EPS8L2: variants seen among roughly 807,000 people sequenced by gnomAD.
EPS8L2 encodes the protein EPS8 signaling adaptor L2.
EPS8L2 carries 81 observed loss-of-function variants against 99.4 expected under a neutral mutation model. The ratio of observed to expected loss-of-function variants is 0.82; its 90% CI spans 0.68 to 0.98. The LOEUF (loss-of-function observed/expected upper bound fraction) is 0.98. Ranked by LOEUF, EPS8L2 falls within the 50% of genes least tolerant of loss-of-function variation. The pLI is 0.00. For synonymous variants in EPS8L2, 509 were observed against 407.3 expected (o/e 1.25, Z -3.01); for missense variants, 1,155 against 968.8 (o/e 1.19, Z -2.55).
At chr11:715,199 G>A (rs975182729) in intron 4 of EPS8L2, among the ~76,000 whole-genome samples, 32 of 151,492 alleles carry the variant, frequency 2.1e-4, no homozygotes, top group African/African-American at 6.8e-4. Context: ...CTGAGATTGC[G>A]CCACTGCACT....
At chr11:710,102 G>T in intron 3 of EPS8L2, 1 of 389,048 alleles carries the variant, frequency 2.6e-6, no homozygotes, top group South Asian at 2.8e-5. Context: ...GTGGGAAGAA[G>T]CCGGGCTGGG....
Position 721,929 on chromosome 11 carries a change from C to A in EPS8L2, c.922C>A (p.Pro308Thr). The change falls in exon 11 of 21, where the codon CCC becomes ACC. Residue 308 changes from proline to threonine, a missense_variant. Physicochemically the swap from Pro to Thr is conservative, Grantham distance 38. Transcript: ENST00000318562. Reference sequence around the variant, plus strand: ...GGGCGTCCTCACACTGCGGGCACGGCCCCCCTCTGAGGGCGAGTTCATCGA... The same window carrying A: ...GGGCGTCCTCACACTGCGGGCACGGACCCCCTCTGAGGGCGAGTTCATCGA... Reference protein sequence around the residue: ...AEGVLTLRARPPSEGEFIDCF... With the variant: ...AEGVLTLRARTPSEGEFIDCF... 1.3e-6 allele frequency: 2 copies of A among 1,595,972 alleles called. No homozygotes were observed. Among genetic ancestry groups the A allele is most frequent in the Non-Finnish European group, 1.7e-6 (2 of 1,171,836 alleles).
At position 709,352 on chromosome 11, in the gene EPS8L2, A is replaced by C; in HGVS notation, c.-56A>C. The stretch of plus-strand genomic sequence containing the variant: ...CAGGTGTGGGACAGGCACTGGCCTC[A>C]GACCGGGGCCACACTGAGGTCTGCC... On this transcript the variant is annotated 5_prime_UTR_variant, in exon 2 of 21. Transcript: ENST00000318562. 6.5e-7 allele frequency: 1 copy of C among 1,542,242 alleles called. No homozygotes were observed. The highest frequency in any genetic ancestry group is 8.8e-7 in the Non-Finnish European group (1 of 1,140,314).
chr11:726,256 G>GGGGGCA (rs759662257), intron 18 of EPS8L2, 48 bp from the exon 19 acceptor site: 7 of 1,577,412 alleles, frequency 4.4e-6, no homozygotes, highest in South Asian at 2.3e-5. Context: ...GGCCGGGGGC[G>GGGGGCA]GGGGCAGGGG....
Position 710,603 on chromosome 11 carries a change from C to T in EPS8L2, c.165+117C>T, listed in dbSNP as rs1159090497. 10 of 1,001,358 alleles carry T rather than the reference C, an allele frequency of 1.0e-5. No individual in the cohort carries two copies. The South Asian group carries it at 1.1e-4, about 11-fold the overall frequency. The allele number at this position is 1,001,358 out of a possible 1,614,324, so 62.0% of individuals were successfully genotyped here. ...AATTAGACGGGCATGGTGGTGCCGG[C>T]CTGTAGGCCCTGCTACTGGGGAGGC... On this transcript the variant is annotated intron_variant, in intron 4 of 20. Transcript: ENST00000318562.
chr11:710,581 T>G, intron 4 of EPS8L2, 95 bp downstream of exon 4: 4 of 1,189,124 alleles, frequency 3.4e-6, no homozygotes, highest in Non-Finnish European at 5.0e-6. Flanking sequence ...ATAAAATAAT[T>G]AGACGGGCAT....
chr11:722,573 G>T (rs369447643), intron 13 of EPS8L2, 24 bp downstream of exon 13: 59 of 1,611,784 alleles, frequency 3.7e-5, no homozygotes, highest in Non-Finnish European at 4.9e-5. Context: ...GAGCAGTGCC[G>T]GGGCTTCATG....
chr11:726,008 T>G, intron 17 of EPS8L2, 90 bp from the exon 18 acceptor site: 1 of 1,305,654 alleles, frequency 7.7e-7, no homozygotes, highest in Non-Finnish European at 1.1e-6. Context: ...GCCGGGGCTG[T>G]AGGGGGATTG....
In EPS8L2 at chr11:709,981, G is replaced by A. The variant is rs1407745408; in HGVS notation, c.100+373G>A. 1.7e-5 allele frequency: 7 copies of A among 410,248 alleles called. No individual in the cohort carries two copies. The East Asian group carries it at 3.4e-4, about 20-fold the overall frequency. The allele number at this position is 410,248 out of a possible 1,614,324, so 25.4% of individuals were successfully genotyped here. ...TCTGCCCTTCCCCAGAGACGACCCT[G>A]CCCTCTCGCTAGCTAGATGCACCCT... On this transcript the variant is annotated intron_variant, in intron 3 of 20. Coordinates refer to ENST00000318562, the MANE Select transcript of EPS8L2 (RefSeq NM_022772.4).
chr11:720,371 G>A (rs1862123324), intron 5 of EPS8L2, 148 bp downstream of exon 5: 3 of 1,111,882 alleles, frequency 2.7e-6, no homozygotes, highest in East Asian at 2.6e-5. Context: ...GGACAAGGGT[G>A]GGCAGAGGGC....
rs116707060 is a variant in EPS8L2 at position 710,344 on chromosome 11, C to T, written c.101-78C>T. On this transcript the variant is annotated intron_variant, in intron 3 of 20. Coordinates refer to ENST00000318562, the MANE Select transcript of EPS8L2 (RefSeq NM_022772.4). ...CTCCCTCCGCTTGACTCCACCTTCC[C>T]TTGTGGGTCCAGTCCCAACTGGACG... 2,387 of 1,420,878 alleles carry T rather than the reference C, an allele frequency of 1.7e-3. 31 individuals carry two copies. In the African/African-American group the frequency reaches 0.029, roughly 17 times the overall value. The allele number at this position is 1,420,878 out of a possible 1,614,324, so 88.0% of individuals were successfully genotyped here. A position where few individuals can be genotyped will look rare whatever the true frequency, so the allele number is the denominator to read the frequency against.
In EPS8L2 at chr11:721,297, G is replaced by A; in HGVS notation, c.713G>A (p.Arg238Gln). 1.9e-6 allele frequency: 3 copies of A among 1,540,434 alleles called. No individual in the cohort carries two copies. The highest frequency in any genetic ancestry group is 2.6e-6 in the Non-Finnish European group (3 of 1,146,626). The change falls in exon 9 of 21, where the codon CGG (arginine) becomes CAG (glutamine). Residue 238 changes from arginine (R) to glutamine (Q), a missense_variant. By Grantham distance (43) the Arg-to-Gln change is conservative (BLOSUM62 1). Coordinates refer to ENST00000318562, the MANE Select transcript of EPS8L2 (RefSeq NM_022772.4). ...VPLSEPGFRR[R>Q]ESQEEPRAVL... ...TGTCCCCCATCAGGTTTCCGCCGTC[G>A]GGAGTCGCAGGAGGAGCCGCGGGCC... is the stretch of plus-strand genomic sequence containing the variant.
At chr11:706,668 G>A (rs1204568666) in intron 1 of EPS8L2, 4 of 152,592 alleles carry the variant, frequency 2.6e-5, no homozygotes, top group Admixed American at 1.3e-4. Context: ...CCGGTTCTGT[G>A]AGCAGCAGGA....
intron 4 of EPS8L2, among the ~76,000 whole-genome samples, chr11:719,148 G>A (rs1185968154): frequency 4.6e-5 from 7 of 151,004 alleles, no homozygotes; most frequent in Admixed American, 4.0e-4. Context: ...TGTATTTTTA[G>A]TAGAGACAGG....
intron 6 of EPS8L2, 41 bp from the exon 7 acceptor site, chr11:720,789 C>T: frequency 1.3e-6 from 2 of 1,542,180 alleles, no homozygotes; most frequent in Non-Finnish European, 1.7e-6. Flanking sequence ...CCCGCCGCGC[C>T]GCGCCCCGCC....
chr11:714,995 C>G (rs1018346220), intron 4 of EPS8L2, among the ~76,000 whole-genome samples: 1 of 152,132 alleles, frequency 6.6e-6, no homozygotes, highest in Non-Finnish European at 1.5e-5. Flanking sequence ...GTAATCCCAG[C>G]ACTTTGGGAG....
chr11:720,782 G>A (rs1039829888), intron 6 of EPS8L2, 36 bp downstream of exon 6: 3 of 1,521,580 alleles, frequency 2.0e-6, no homozygotes, highest in East Asian at 2.6e-5. Flanking sequence ...GTGGGGCCCC[G>A]CCGCGCCGCG....
chr11:721,644 T>C lies in EPS8L2; in HGVS notation c.848T>C (p.Leu283Pro). The C allele has an allele frequency of 6.3e-7, 1 of 1,584,448 alleles. No individual in the cohort carries two copies. Among genetic ancestry groups the C allele is most frequent in the African/African-American group, 1.4e-5 (1 of 73,070 alleles). The change falls in exon 10 of 21, where the codon CTG becomes CCG. Residue 283 changes from leucine to proline, a missense_variant. By Grantham distance (98) the Leu-to-Pro change is moderately conservative. Coordinates refer to ENST00000318562, the MANE Select transcript of EPS8L2 (RefSeq NM_022772.4). ...LQKAAEAFKQLNQRKKGKKKG... is the reference protein window; with the variant it reads ...LQKAAEAFKQPNQRKKGKKKG... Reference sequence around the variant, plus strand: ...AAGGCAGCCGAGGCTTTCAAGCAGCTGAACCAGCGGAAAAAGGGGAAGAAG... The same window carrying C: ...AAGGCAGCCGAGGCTTTCAAGCAGCCGAACCAGCGGAAAAAGGGGAAGAAG...
rs1174895390 is a variant in EPS8L2 at position 718,672 on chromosome 11, C to CTT, written c.166-1377_166-1376dup. Among the ~76,000 whole-genome samples the CTT allele has an allele frequency of 1.8e-3, 236 of 128,204 alleles. 1 individual carries two copies. Among genetic ancestry groups the CTT allele is most frequent in the African/African-American group, 6.6e-3 (228 of 34,634 alleles). 84.1% of individuals were successfully genotyped at this position (128,204 alleles called of 152,430 possible). On this transcript the variant is annotated intron_variant, in intron 4 of 20. Transcript: ENST00000318562. ...GCTAATTTTTTAATTTTTTTAATTT[C>CTT]TTTTTTTTTTTTTTGAGATGGAGTC...
Sources: gnomAD v4.1 joint callset for allele counts (sites outside exome capture counted in the v4.1 genomes callset) on GRCh38, gnomAD v4.1.1 for gene constraint, MANE v1.5 for transcripts, NCBI Gene and HGNC (gene_info 2026-07-23, HGNC 2026-07-21) for gene names.